TDO2: variants seen among roughly 807,000 people sequenced by gnomAD.
TDO2 encodes the protein tryptamin 2,3-dioxygenase.
A neutral mutation model predicts 61.2 loss-of-function variants in TDO2; 63 were observed. That is an observed-to-expected ratio of 1.03 (90% CI 0.84 to 1.27). The LOEUF is 1.27. TDO2 is among the 50% of genes most tolerant of loss of function. The pLI is 0.00. For missense variants in TDO2, 494 were observed against 469.5 expected, an observed-to-expected ratio of 1.05 and a Z score of -0.48; for synonymous variants, 183 against 164.0, an observed-to-expected ratio of 1.12 and a Z score of -0.89.
intron 8 of TDO2, among the ~76,000 whole-genome samples, chr4:155,915,281 G>A (rs188001134): frequency 2.6e-5 from 4 of 152,194 alleles, no homozygotes; most frequent in Admixed American, 6.5e-5. Flanking sequence ...ATAGCAATAC[G>A]TGAAATTGGT....
At chr4:155,914,853 G>T (rs1742903106) in intron 8 of TDO2, among the ~76,000 whole-genome samples, 1 of 152,158 alleles carries the variant, frequency 6.6e-6, no homozygotes. Flanking sequence ...AATCTTTAAC[G>T]TGGTCTATAA....
chr4:155,909,397 T>C (rs550461339), intron 5 of TDO2, among the ~76,000 whole-genome samples: 10 of 152,288 alleles, frequency 6.6e-5, no homozygotes, highest in Middle Eastern at 3.4e-3. Flanking sequence ...GTAGAAGTTA[T>C]GGATTAAACC....
At chr4:155,918,320 A>C in intron 11 of TDO2, 81 bp downstream of exon 11, 1 of 1,349,346 alleles carries the variant, frequency 7.4e-7, no homozygotes. Flanking sequence ...CTATCTAAAA[A>C]AAGCCATTTT....
Position 155,911,402 on chromosome 4 carries a change from A to T in TDO2, c.619-95A>T, listed in dbSNP as rs571890223. On this transcript the variant is annotated intron_variant, in intron 6 of 11. Coordinates refer to ENST00000536354, the MANE Select transcript of TDO2 (RefSeq NM_005651.4). ...CTTGTAGCATATGTTTCTGGAAACC[A>T]TGAAGATTTCTTGTTTTAAGTTTAT... The T allele has an allele frequency of 2.2e-5, 18 of 822,918 alleles. No individual in the cohort carries two copies. In the East Asian group the frequency reaches 5.4e-4, roughly 25 times the overall value. 51.0% of individuals were successfully genotyped at this position (822,918 alleles called of 1,614,324 possible). A position where few individuals can be genotyped will look rare whatever the true frequency, so the allele number is the denominator to read the frequency against.
In TDO2 at chr4:155,920,208, G is replaced by A. The variant is rs1225701990; in HGVS notation, c.*218G>A. The A allele has an allele frequency of 4.0e-6, 2 of 499,884 alleles. No individual in the cohort carries two copies. The highest frequency in any genetic ancestry group is 3.6e-5 in the East Asian group (1 of 27,792). The allele number at this position is 499,884 out of a possible 1,614,324, so 31.0% of individuals were successfully genotyped here. On this transcript the variant is annotated 3_prime_UTR_variant, in exon 12 of 12. Transcript: ENST00000536354. ...ATTTAAATAGTAACATTGTACATAG[G>A]GTGTTTTCCTATTAAAAATTCAGTT... is the stretch of plus-strand genomic sequence containing the variant.
In TDO2 at chr4:155,910,215, T is replaced by C; in HGVS notation, c.618+4T>C. ...GACACTTCTGGAATTAGTGGAGGTA[T>C]GGATTCATACAATTTATAAAGTTTA... On this transcript the variant is annotated splice_donor_region_variant and intron_variant, in intron 6 of 11. Coordinates refer to ENST00000536354, the MANE Select transcript of TDO2 (RefSeq NM_005651.4). 6.4e-7 allele frequency: 1 copy of C among 1,558,626 alleles called. No individual in the cohort carries two copies. The highest frequency in any genetic ancestry group is 1.2e-5 in the South Asian group (1 of 82,258).
At chr4:155,914,728 G>A (rs531094205) in intron 8 of TDO2, among the ~76,000 whole-genome samples, 5 of 152,226 alleles carry the variant, frequency 3.3e-5, no homozygotes, top group African/African-American at 1.2e-4. Context: ...AATAGGGACA[G>A]AAATGAAGAC....
In TDO2 at chr4:155,919,937, T is replaced by C. The variant is rs747559451; in HGVS notation, c.1168T>C (p.Tyr390His). 6.2e-7 allele frequency: 1 copy of C among 1,613,702 alleles called. No homozygotes were observed. Among genetic ancestry groups the C allele is most frequent in the Non-Finnish European group, 8.5e-7 (1 of 1,179,740 alleles). The change falls in exon 12 of 12, where the codon TAT (tyrosine) becomes CAT (histidine). Residue 390 changes from tyrosine (Y) to histidine (H), a missense_variant. Transcript: ENST00000536354. ...GAACCCAACCATTCACAAATTTCTA[T>C]ATACAGCAGAATACTGTGATAGCTC... Reference protein sequence around the residue: ...KMNPTIHKFLYTAEYCDSSYF... With the variant: ...KMNPTIHKFLHTAEYCDSSYF...
At chr4:155,919,715 C>G in intron 11 of TDO2, 122 bp from the exon 12 acceptor site, 1 of 764,598 alleles carries the variant, frequency 1.3e-6, no homozygotes, top group South Asian at 2.2e-5. Flanking sequence ...ATACAACATG[C>G]AATATATATT....
chr4:155,910,048 G>C lies in TDO2; in HGVS notation c.455G>C (p.Gly152Ala). 1 of 1,575,384 alleles carries C rather than the reference G, an allele frequency of 6.3e-7. No individual in the cohort carries two copies. The highest frequency in any genetic ancestry group is 8.6e-7 in the Non-Finnish European group (1 of 1,167,476). Residue 152 changes from glycine (G) to alanine (A), a missense_variant, in exon 6 of 12, where the codon GGC (glycine) becomes GCC (alanine). Coordinates refer to ENST00000536354, the MANE Select transcript of TDO2 (RefSeq NM_005651.4). ...DFREYLSPAS[G>A]FQSLQFRLLE... ...AGAGAGTACTTATCTCCAGCATCAG[G>C]CTTCCAGAGTTTGCAATTCCGACTA... is the stretch of plus-strand genomic sequence containing the variant.
Position 155,904,125 on chromosome 4 carries a change from T to G in TDO2, c.141+2T>G. 6.2e-7 allele frequency: 1 copy of G among 1,609,844 alleles called. No homozygotes were observed. Among genetic ancestry groups the G allele is most frequent in the Non-Finnish European group, 8.5e-7 (1 of 1,176,530 alleles). On this transcript the variant is annotated splice_donor_variant, in intron 2 of 11. Coordinates refer to ENST00000536354, the MANE Select transcript of TDO2 (RefSeq NM_005651.4). LOFTEE classifies it high-confidence loss of function. ...CTTATCTATGGGAACTACCTGCATG[T>G]AAGTGGCAGGGTCCTTACAGGGTTT... is the stretch of plus-strand genomic sequence containing the variant.
chr4:155,917,248 C>T (rs1668012853), intron 9 of TDO2, 147 bp from the exon 10 acceptor site: 2 of 587,928 alleles, frequency 3.4e-6, no homozygotes, highest in Admixed American at 7.0e-5. Context: ...GAAACTGAGA[C>T]TGAGAGAATA....
chr4:155,910,194 C>G lies in TDO2; in HGVS notation c.601C>G (p.Leu201Val). Reference sequence around the variant, plus strand: ...ACTTAAATCTGAGCAGGAAAAGACACTTCTGGAATTAGTGGAGGTATGGAT... The same window carrying G: ...ACTTAAATCTGAGCAGGAAAAGACAGTTCTGGAATTAGTGGAGGTATGGAT... ...LLLKSEQEKTLLELVEAWLER... is the reference protein window; with the variant it reads ...LLLKSEQEKTVLELVEAWLER... Residue 201 changes from leucine (L) to valine (V), a missense_variant, in exon 6 of 12, where the codon CTT becomes GTT. Leu to Val is a conservative substitution (Grantham distance 32). Transcript: ENST00000536354. The G allele has an allele frequency of 6.3e-7, 1 of 1,578,284 alleles. No homozygotes were observed. The highest frequency in any genetic ancestry group is 8.6e-7 in the Non-Finnish European group (1 of 1,166,838).
intron 3 of TDO2, chr4:155,905,683 C>A (rs1742706307): frequency 1.3e-5 from 2 of 152,114 alleles, no homozygotes; most frequent in African/African-American, 2.4e-5. Flanking sequence ...CAAAATTATG[C>A]ACAAATTTTC....
At position 155,908,349 on chromosome 4, in the gene TDO2, C is replaced by T. The variant is rs142562448; in HGVS notation, c.304-538C>T. On this transcript the variant is annotated intron_variant, in intron 4 of 11. Transcript: ENST00000536354. ...GTGCACTTCTCCATCTCCCACCCTG[C>T]TTTCTCTTGCCATGGCTCTGAGGAT... is the stretch of plus-strand genomic sequence containing the variant. 8.5e-4 allele frequency among the ~76,000 whole-genome samples: 129 copies of T among 152,282 alleles called. 4 individuals are homozygous for T. The highest frequency in any genetic ancestry group is 4.3e-4 in the Non-Finnish European group (29 of 68,016).
chr4:155,914,764 G>A (rs1742901429), intron 8 of TDO2, among the ~76,000 whole-genome samples: 1 of 152,092 alleles, frequency 6.6e-6, no homozygotes, highest in South Asian at 2.1e-4. Context: ...TAAACACTAT[G>A]GTAGAGGTAA....
At chr4:155,915,011 T>G (rs545747900) in intron 8 of TDO2, among the ~76,000 whole-genome samples, 154 of 152,270 alleles carry the variant, frequency 1.0e-3, no homozygotes, top group Non-Finnish European at 1.7e-3. Context: ...TCTTCCTCCC[T>G]CCTTTGTGTG....
intron 7 of TDO2, among the ~76,000 whole-genome samples, chr4:155,913,345 T>G (rs1202438449): frequency 6.6e-6 from 1 of 152,140 alleles, no homozygotes; most frequent in East Asian, 1.9e-4. Flanking sequence ...TTAGCTAAGT[T>G]TAGTTCTTTG....
chr4:155,909,780 T>A (rs575321296), intron 5 of TDO2, among the ~76,000 whole-genome samples: 1 of 151,610 alleles, frequency 6.6e-6, no homozygotes, highest in East Asian at 2.0e-4. Context: ...TACAATCTCT[T>A]ACAATAGAAG....
Sources: gnomAD v4.1 joint callset for allele counts (sites outside exome capture counted in the v4.1 genomes callset) on GRCh38, gnomAD v4.1.1 for gene constraint, MANE v1.5 for transcripts, NCBI Gene and HGNC (gene_info 2026-07-23, HGNC 2026-07-21) for gene names.